The following SCAPER variants were observed in gnomAD, a reference collection of about 807,000 sequenced individuals.
SCAPER encodes the protein S-phase cyclin A associated protein in the ER.
SCAPER carries 98 observed loss-of-function variants against 182.2 expected under a neutral mutation model. That is an observed-to-expected ratio of 0.54 (90% CI 0.46 to 0.64). The LOEUF is 0.64. SCAPER is among the 30% of genes least tolerant of loss of function. The pLI, the probability that SCAPER is intolerant of heterozygous loss-of-function variation, is 0.00. For synonymous variants in SCAPER, 605 were observed against 564.6 expected, an observed-to-expected ratio of 1.07 and a Z score of -1.01; for missense variants, 1,432 against 1,690.0, an observed-to-expected ratio of 0.85 and a Z score of 2.68.
chr15:76,536,220 C>G (rs1010785275), intron 23 of SCAPER, among the ~76,000 whole-genome samples: 1 of 151,848 alleles, frequency 6.6e-6, no homozygotes, highest in African/African-American at 2.4e-5. Flanking sequence ...TATTTTTGGC[C>G]AAGTGCGGTG....
chr15:76,831,996 C>G (rs771347759), intron 5 of SCAPER, among the ~76,000 whole-genome samples: 3 of 152,158 alleles, frequency 2.0e-5, no homozygotes, highest in Non-Finnish European at 4.4e-5. Context: ...ATCCAAAGAA[C>G]AGCAACTTCA....
At chr15:76,470,973 A>G (rs1049005645) in intron 25 of SCAPER, 55 of 269,828 alleles carry the variant, frequency 2.0e-4, no homozygotes, top group Non-Finnish European at 3.4e-4. Flanking sequence ...AGCAAGTGTT[A>G]TAAGTCTATT....
intron 20 of SCAPER, among the ~76,000 whole-genome samples, chr15:76,673,239 G>A (rs1422092674): frequency 6.6e-6 from 1 of 151,970 alleles, no homozygotes; most frequent in African/African-American, 2.4e-5. Context: ...AAAGAAAAAT[G>A]ACAGGAGAGA....
intron 5 of SCAPER, among the ~76,000 whole-genome samples, chr15:76,838,831 C>G (rs1046914503): frequency 2.6e-5 from 4 of 152,174 alleles, no homozygotes; most frequent in African/African-American, 9.7e-5. Flanking sequence ...GAAGAAGATG[C>G]CAATCTCCCC....
chr15:76,696,353 T>C (rs1287335699), intron 20 of SCAPER, among the ~76,000 whole-genome samples: 1 of 152,214 alleles, frequency 6.6e-6, no homozygotes, highest in Non-Finnish European at 1.5e-5. Flanking sequence ...GCATATATTG[T>C]CCATGGAAAC....
At chr15:76,538,746 A>G (rs1021784466) in intron 23 of SCAPER, among the ~76,000 whole-genome samples, 2 of 152,190 alleles carry the variant, frequency 1.3e-5, no homozygotes, top group Non-Finnish European at 2.9e-5. Context: ...AAAAAATAGT[A>G]AAATGCTTTA....
chr15:76,539,689 G>C (rs906858034), intron 23 of SCAPER, among the ~76,000 whole-genome samples: 1 of 151,964 alleles, frequency 6.6e-6, no homozygotes, highest in African/African-American at 2.4e-5. Context: ...GGGACTACAG[G>C]CGCCCGCCAC....
chr15:76,880,680 C>T (rs1272982210), intron 2 of SCAPER, among the ~76,000 whole-genome samples: 5 of 149,412 alleles, frequency 3.3e-5, no homozygotes, highest in African/African-American at 1.2e-4. Flanking sequence ...TAAAAAGAAA[C>T]GAAGATCTCT....
chr15:76,643,784 A>G (rs1256125621), intron 21 of SCAPER, among the ~76,000 whole-genome samples: 2 of 152,232 alleles, frequency 1.3e-5, no homozygotes, highest in African/African-American at 2.4e-5. Context: ...TCTCCTAACT[A>G]TAAGAGTTCA....
At chr15:76,524,744 C>T (rs1444379841) in intron 23 of SCAPER, among the ~76,000 whole-genome samples, 1 of 117,810 alleles carries the variant, frequency 8.5e-6, no homozygotes, top group Non-Finnish European at 1.6e-5. Context: ...CTTACCAATA[C>T]GTAAGAGTGT....
At chr15:76,778,290 A>C (rs535368544) in intron 8 of SCAPER, among the ~76,000 whole-genome samples, 1 of 152,282 alleles carries the variant, frequency 6.6e-6, no homozygotes, top group East Asian at 1.9e-4. Flanking sequence ...TAAGGAAACC[A>C]ATTAAAAGGT....
At chr15:76,652,387 T>C (rs1427348411) in intron 21 of SCAPER, among the ~76,000 whole-genome samples, 11 of 77,876 alleles carry the variant, frequency 1.4e-4, no homozygotes, top group South Asian at 5.1e-4. Context: ...TATATATATA[T>C]ATATATATAT....
intron 23 of SCAPER, among the ~76,000 whole-genome samples, chr15:76,559,493 T>C (rs904578144): frequency 1.3e-5 from 2 of 152,182 alleles, no homozygotes; most frequent in African/African-American, 2.4e-5. Flanking sequence ...CCCAGCCATA[T>C]GGAACTGTGA....
rs139804903 is a variant in SCAPER, at chr15:76,637,577, G to A, written c.2646-15748C>T. Among the ~76,000 whole-genome samples the A allele has an allele frequency of 8.2e-3, 1,250 of 151,754 alleles. 13 individuals carry two copies. Among genetic ancestry groups the A allele is most frequent in the African/African-American group, 0.029 (1,179 of 41,338 alleles). ...TTTAATTAGCCAGGTATGGTGGTGC[G>A]TGCCTGTAGTCCTAGCTTCTTGGGA... On this transcript the variant is annotated intron_variant, in intron 21 of 31. Transcript: ENST00000563290.
At chr15:76,828,422 T>C (rs983346328) in intron 5 of SCAPER, among the ~76,000 whole-genome samples, 1 of 152,058 alleles carries the variant, frequency 6.6e-6, no homozygotes, top group African/African-American at 2.4e-5. Context: ...ATATTGATGA[T>C]AATGTATATG....
chr15:76,444,343 G>C (rs958679913), intron 25 of SCAPER, among the ~76,000 whole-genome samples: 1 of 152,148 alleles, frequency 6.6e-6, no homozygotes, highest in Non-Finnish European at 1.5e-5. Context: ...TAGGTGGCTG[G>C]TAGTACCACT....
At chr15:76,702,673 T>A (rs2059023818) in intron 19 of SCAPER, among the ~76,000 whole-genome samples, 177 bp downstream of exon 19, 1 of 152,176 alleles carries the variant, frequency 6.6e-6, no homozygotes, top group African/African-American at 2.4e-5. Flanking sequence ...GGTTTTGCAC[T>A]CTTGGCCTGA....
At chr15:76,757,605 A>G (rs920791813) in intron 14 of SCAPER, among the ~76,000 whole-genome samples, 6 of 152,148 alleles carry the variant, frequency 3.9e-5, no homozygotes, top group African/African-American at 1.4e-4. Context: ...CCAGATTTCA[A>G]TTCCTTTGGA....
At chr15:76,487,946 T>C (rs1478342671) in intron 24 of SCAPER, among the ~76,000 whole-genome samples, 1 of 152,180 alleles carries the variant, frequency 6.6e-6, no homozygotes, top group Non-Finnish European at 1.5e-5. Flanking sequence ...ACCTATAATC[T>C]GGTCCGAAGG....
Sources: allele counts gnomAD v4.1 joint callset (sites outside exome capture counted in the v4.1 genomes callset), GRCh38; gene constraint gnomAD v4.1.1; transcripts MANE v1.5; gene names NCBI Gene and HGNC (gene_info 2026-07-23, HGNC 2026-07-21).